Variants in NDRG2 observed in about 807,000 individuals in gnomAD.
NDRG2 encodes the protein protein NDRG2.
Under a neutral mutation model 58.2 loss-of-function variants are expected in NDRG2, and 34 were observed. The observed-to-expected ratio is 0.58, with a 90% CI of 0.44 to 0.78. NDRG2 has a LOEUF of 0.78. Among genes scored for constraint, NDRG2 ranks in the 30% least tolerant of loss-of-function variants. The probability of loss-of-function intolerance (pLI) is 0.00; values close to 1 mark genes in which losing one functional copy is unlikely to be tolerated. For synonymous variants in NDRG2, 187 were observed against 175.9 expected, an observed-to-expected ratio of 1.06 and a Z score of -0.50; for missense variants, 434 against 471.2, an observed-to-expected ratio of 0.92 and a Z score of 0.73.
chr14:21,068,432 TG>T (rs1486793239), intron 1 of NDRG2, among the ~76,000 whole-genome samples: 1 of 152,120 alleles, frequency 6.6e-6, no homozygotes, highest in Non-Finnish European at 1.5e-5. Context: ...TGGACAACCT[TG>T]GACCCTACCA....
At chr14:21,049,351 G>C (rs1435858134) in intron 1 of NDRG2, among the ~76,000 whole-genome samples, 1 of 152,186 alleles carries the variant, frequency 6.6e-6, no homozygotes, top group Non-Finnish European at 1.5e-5. Context: ...CTCATGTCCA[G>C]TGGATTGGTT....
rs1468496330 is a variant in NDRG2 at position 21,068,210 on chromosome 14, A to G, written c.24+2618T>C. Among the ~76,000 whole-genome samples the G allele has an allele frequency of 1.5e-4, 10 of 68,696 alleles. 3 individuals carry two copies. Among genetic ancestry groups the G allele is most frequent in the African/African-American group, 3.6e-4 (10 of 27,454 alleles). The allele number at this position is 68,696 out of a possible 152,430, so 45.1% of individuals were successfully genotyped here. On this transcript the variant is annotated intron_variant, in intron 1 of 14. Coordinates refer to the NDRG2 transcript ENST00000403829. Reference sequence around the variant, plus strand: ...GAGACGGGGTTTCACCGTGTTAGCCAGGATGGTCTCGATCTCCTGACCTCG... The same window carrying G: ...GAGACGGGGTTTCACCGTGTTAGCCGGGATGGTCTCGATCTCCTGACCTCG...
rs112271660 is a variant in NDRG2, at chr14:21,031,160, G to A, written c.25-7839C>T. The A allele has an allele frequency of 4.0e-3, 6,404 of 1,613,282 alleles. 20 individuals are homozygous for A. Among genetic ancestry groups the A allele is most frequent in the Middle Eastern group, 5.8e-3 (35 of 6,050 alleles). The stretch of plus-strand genomic sequence containing the variant: ...GGGCAAAGACCCAGCCACCACTGGC[G>A]CTACTGTGAGTGACAGCCTTCATCC... On this transcript the variant is annotated intron_variant, in intron 1 of 14. Transcript: ENST00000403829.
intron 1 of NDRG2, among the ~76,000 whole-genome samples, chr14:21,047,543 A>G (rs1885246036): frequency 6.6e-6 from 1 of 152,218 alleles, no homozygotes; most frequent in Non-Finnish European, 1.5e-5. Flanking sequence ...AATTTGGGCC[A>G]AATACCAAGG....
intron 1 of NDRG2, among the ~76,000 whole-genome samples, chr14:21,045,409 G>A (rs1375284202): frequency 2.0e-5 from 3 of 152,194 alleles, no homozygotes; most frequent in Non-Finnish European, 4.4e-5. Flanking sequence ...TGCCATCATC[G>A]AATGGACTTC....
upstream of NDRG2, among the ~76,000 whole-genome samples, chr14:21,029,552 A>G (rs764757330): frequency 6.6e-6 from 1 of 152,220 alleles, no homozygotes; most frequent in East Asian, 1.9e-4. Flanking sequence ...CCCCAGGATC[A>G]TGCCACTGCA....
chr14:21,018,397 G>A, intron 13 of NDRG2, 60 bp downstream of exon 13: 15 of 1,610,624 alleles, frequency 9.3e-6, no homozygotes, highest in Non-Finnish European at 1.2e-5. Flanking sequence ...TGGAGGCTTA[G>A]CAGCTGCATG....
chr14:21,032,054 A>AGG, intron 1 of NDRG2: 1 of 1,613,922 alleles, frequency 6.2e-7, no homozygotes, highest in Non-Finnish European at 8.5e-7. Context: ...GGGTTCTGGC[A>AGG]CCTACGATAA....
intron 1 of NDRG2, among the ~76,000 whole-genome samples, chr14:21,044,622 T>C (rs1369403881): frequency 1.3e-5 from 2 of 152,192 alleles, no homozygotes; most frequent in Non-Finnish European, 2.9e-5. Flanking sequence ...GGGCTACAGA[T>C]ACCATTTCTC....
At chr14:21,045,780 A>G (rs1168379562) in intron 1 of NDRG2, among the ~76,000 whole-genome samples, 1 of 152,252 alleles carries the variant, frequency 6.6e-6, no homozygotes, top group African/African-American at 2.4e-5. Flanking sequence ...ATAGCATTAA[A>G]TAACTAGAAA....
chr14:21,067,013 C>A (rs1021165786), intron 1 of NDRG2, among the ~76,000 whole-genome samples: 2 of 152,152 alleles, frequency 1.3e-5, no homozygotes, highest in African/African-American at 4.8e-5. Flanking sequence ...CATTAATTCC[C>A]CCTAACTTGA....
chr14:21,022,467 CAG>C lies in NDRG2; in HGVS notation c.146_147del (p.Ser49CysfsTer27). 1 of 1,614,058 alleles carries C rather than the reference CAG, an allele frequency of 6.2e-7. No homozygotes were observed. Among genetic ancestry groups the C allele is most frequent in the Non-Finnish European group, 8.5e-7 (1 of 1,179,982 alleles). The part of the protein sequence containing the change: ...QTHSVETPYG[S>X]VTFTVYGTPK... Reference sequence around the variant, plus strand: ...GGGGTGCCATAGACAGTGAAAGTGACAGAGCCGTATGGTGTCTCCACAGAGTG... The same window carrying C: ...GGGGTGCCATAGACAGTGAAAGTGACAGCCGTATGGTGTCTCCACAGAGTG... On this transcript the variant is annotated frameshift_variant, in exon 4 of 16. Transcript: ENST00000556147. LOFTEE classifies it high-confidence loss of function.
chr14:21,036,331 AG>A, intron 1 of NDRG2: 1 of 446,776 alleles, frequency 2.2e-6, no homozygotes, highest in Non-Finnish European at 4.5e-6. Context: ...TGTTTCTCAT[AG>A]GGTAGGGGTG....
chr14:21,032,166 G>A, intron 1 of NDRG2: 1 of 1,370,048 alleles, frequency 7.3e-7, no homozygotes, highest in Non-Finnish European at 1.0e-6. Context: ...TGTGTGTGCA[G>A]CAGCCAAAAT....
chr14:21,024,710 T>TA lies in NDRG2; in HGVS notation c.-688dup, dbSNP rs1328529186. ...GCAAGCGCCATCGGGAAGGGATGGG[T>TA]AGGACAGAGGAGACCGGCCGGGCCC... On this transcript the variant is annotated 5_prime_UTR_variant, in exon 1 of 16. Transcript: ENST00000556147. The TA allele has an allele frequency of 7.1e-6, 7 of 985,012 alleles. No homozygotes were observed. The highest frequency in any genetic ancestry group is 8.4e-6 in the Non-Finnish European group (7 of 829,898). 61.0% of individuals were successfully genotyped at this position (985,012 alleles called of 1,614,324 possible).
intron 12 of NDRG2, 109 bp from the exon 13 acceptor site, chr14:21,018,613 C>T (rs1594374593): frequency 1.3e-6 from 2 of 1,556,556 alleles, no homozygotes; most frequent in East Asian, 4.5e-5. Flanking sequence ...GCTCCCTACC[C>T]AGTTCCTCCT....
intron 1 of NDRG2, chr14:21,023,530 G>A: frequency 1.7e-6 from 1 of 573,016 alleles, no homozygotes; most frequent in Admixed American, 3.0e-5. Flanking sequence ...AATCAGGACA[G>A]CCCTTCTCTT....
upstream of NDRG2, chr14:21,025,662 C>G (rs928085292): frequency 2.0e-6 from 2 of 985,224 alleles, no homozygotes; most frequent in Admixed American, 1.2e-4. The surrounding 1 kb of genome is among the most constrained non-coding windows in gnomAD (Gnocchi z 5.1). Context: ...TCCCTCGTGC[C>G]CAGAGTCCTG....
chr14:21,033,209 T>G (rs1594482488), intron 1 of NDRG2: 1 of 343,872 alleles, frequency 2.9e-6, no homozygotes, highest in Non-Finnish European at 5.7e-6. Flanking sequence ...GGCTCCATGG[T>G]AAGAGGAAGC....
Sources: gnomAD v4.1 joint callset for allele counts (sites outside exome capture counted in the v4.1 genomes callset) on GRCh38, gnomAD v4.1.1 for gene constraint, Gnocchi (gnomAD v3.1) non-coding constraint, MANE v1.5 for transcripts, NCBI Gene and HGNC (gene_info 2026-07-23, HGNC 2026-07-21) for gene names.